SEMA3A: variants seen among roughly 807,000 people sequenced by gnomAD.
The protein encoded by SEMA3A is semaphorin 3A, also known as semaphorin-3A.
In SEMA3A, 29 loss-of-function variants were observed where a neutral mutation model predicts 97.9. That is an observed-to-expected ratio of 0.30 (90% CI 0.22 to 0.40). The LOEUF (loss-of-function observed/expected upper bound fraction) is 0.40, where lower values mean the gene tolerates loss of function less well. Among genes scored for constraint, SEMA3A ranks in the 10% least tolerant of loss-of-function variants. The pLI, the probability that SEMA3A is intolerant of heterozygous loss-of-function variation, is 1.00. For missense variants in SEMA3A, 763 were observed against 951.3 expected (o/e 0.80, Z 2.60); for synonymous variants, 321 against 323.7 (o/e 0.99, Z 0.09).
chr7:84,385,393 G>A (rs1450315832), intron 1 of SEMA3A, among the ~76,000 whole-genome samples: 1 of 152,094 alleles, frequency 6.6e-6, no homozygotes, highest in African/African-American at 2.4e-5. Context: ...CCTCTACTTG[G>A]AGTCCAAGGA....
At chr7:84,099,729 T>C (rs1223908044) in intron 4 of SEMA3A, among the ~76,000 whole-genome samples, 2 of 152,156 alleles carry the variant, frequency 1.3e-5, no homozygotes, top group African/African-American at 4.8e-5. Context: ...CTGGCTATTA[T>C]TTAGATATCT....
At chr7:84,422,504 T>C (rs576061739) in intron 1 of SEMA3A, among the ~76,000 whole-genome samples, 1 of 152,252 alleles carries the variant, frequency 6.6e-6, no homozygotes, top group African/African-American at 2.4e-5. Context: ...GGATTTTTCA[T>C]GTCTCTATCT....
At chr7:83,979,150 T>C (rs1294298108) in intron 14 of SEMA3A, among the ~76,000 whole-genome samples, 7 of 151,700 alleles carry the variant, frequency 4.6e-5, no homozygotes, top group East Asian at 1.9e-4. Flanking sequence ...TTTTTTTTTT[T>C]CGAGACAGAG....
intron 1 of SEMA3A, among the ~76,000 whole-genome samples, chr7:84,157,233 T>C (rs1796871940): frequency 6.6e-6 from 1 of 152,210 alleles, no homozygotes; most frequent in South Asian, 2.1e-4. Context: ...AAACTTCTCA[T>C]AACAATACAA....
chr7:84,248,184 A>G (rs1799518532), intron 3 of SEMA3A, among the ~76,000 whole-genome samples: 1 of 152,188 alleles, frequency 6.6e-6, no homozygotes, highest in Non-Finnish European at 1.5e-5. Context: ...ATATATATTT[A>G]AAGATAGTTT....
At chr7:84,296,666 T>C (rs1800880498) in intron 3 of SEMA3A, among the ~76,000 whole-genome samples, 1 of 152,188 alleles carries the variant, frequency 6.6e-6, no homozygotes, top group Non-Finnish European at 1.5e-5. Context: ...GAAACATTTT[T>C]ATGATTGCAT....
chr7:84,138,092 C>A (rs761225995), intron 1 of SEMA3A, among the ~76,000 whole-genome samples: 125 of 152,216 alleles, frequency 8.2e-4, no homozygotes, highest in Non-Finnish European at 1.4e-3. Flanking sequence ...ACAAGCATTT[C>A]CTAGTAAGCA....
At chr7:84,087,068 T>C (rs1794404667) in intron 4 of SEMA3A, among the ~76,000 whole-genome samples, 1 of 152,144 alleles carries the variant, frequency 6.6e-6, no homozygotes, top group Admixed American at 6.6e-5. Flanking sequence ...GCAACAAAGA[T>C]GGTACATTTG....
Position 84,250,287 on chromosome 7 carries a change from C to G in SEMA3A, c.-82-55619G>C, listed in dbSNP as rs576132291. 1.4e-4 allele frequency among the ~76,000 whole-genome samples: 21 copies of G among 148,762 alleles called. No individual in the cohort carries two copies. The East Asian group carries it at 4.1e-3, about 29-fold the overall frequency. Reference sequence around the variant, plus strand: ...TTTTCATCTGTGGTTTAAAACCAAACCAAAAAAAGAAAAAAAAAGTAACAT... The same window carrying G: ...TTTTCATCTGTGGTTTAAAACCAAAGCAAAAAAAGAAAAAAAAAGTAACAT... On this transcript the variant is annotated intron_variant, in intron 3 of 3. Transcript: ENST00000424555.
At chr7:84,230,110 T>A (rs1435730592) in intron 3 of SEMA3A, among the ~76,000 whole-genome samples, 1 of 151,956 alleles carries the variant, frequency 6.6e-6, no homozygotes, top group Non-Finnish European at 1.5e-5. Context: ...CAATTGAAAT[T>A]CCTAAAATGC....
intron 12 of SEMA3A, among the ~76,000 whole-genome samples, 156 bp from the exon 13 acceptor site, chr7:83,985,633 A>G (rs528362888): frequency 6.6e-6 from 1 of 152,330 alleles, no homozygotes; most frequent in South Asian, 2.1e-4. Flanking sequence ...AAGAAACTGC[A>G]TAGATAAGGG....
chr7:84,005,298 G>T, intron 11 of SEMA3A, 41 bp downstream of exon 11: 1 of 1,398,988 alleles, frequency 7.1e-7, no homozygotes, highest in Non-Finnish European at 1.0e-6. Flanking sequence ...GTTAAACATA[G>T]TGTTCGGAAA....
At chr7:83,995,163 C>T (rs1439567653) in intron 12 of SEMA3A, among the ~76,000 whole-genome samples, 1 of 152,162 alleles carries the variant, frequency 6.6e-6, no homozygotes, top group East Asian at 1.9e-4. Context: ...CAATGCCTCA[C>T]CCTGCTTCGG....
At chr7:84,418,443 C>T (rs2116271487) in intron 1 of SEMA3A, among the ~76,000 whole-genome samples, 1 of 152,202 alleles carries the variant, frequency 6.6e-6, no homozygotes, top group East Asian at 1.9e-4. Context: ...GTCCCACCCA[C>T]AACATGTGGG....
At chr7:84,010,986 A>T in intron 9 of SEMA3A, 36 bp downstream of exon 9, 1 of 1,472,918 alleles carries the variant, frequency 6.8e-7, no homozygotes, top group South Asian at 1.2e-5. Flanking sequence ...CCTAAATAAC[A>T]TTAAGTTTCT....
chr7:84,124,920 A>C (rs962155555), intron 3 of SEMA3A, among the ~76,000 whole-genome samples: 2 of 152,046 alleles, frequency 1.3e-5, no homozygotes, highest in African/African-American at 4.8e-5. Context: ...TAAATGAATA[A>C]AATATATCTT....
At chr7:84,052,891 C>T (rs1468010469) in intron 5 of SEMA3A, among the ~76,000 whole-genome samples, 13 of 151,572 alleles carry the variant, frequency 8.6e-5, no homozygotes, top group Admixed American at 2.0e-4. Flanking sequence ...TGAATGCGTC[C>T]CAGAGATTCT....
At chr7:84,319,386 G>T (rs1801592358) in intron 2 of SEMA3A, among the ~76,000 whole-genome samples, 1 of 149,954 alleles carries the variant, frequency 6.7e-6, no homozygotes, top group Non-Finnish European at 1.5e-5. Context: ...AGTAAGTCTG[G>T]TGCACCAAAC....
chr7:84,373,632 A>G (rs905038291), intron 1 of SEMA3A, among the ~76,000 whole-genome samples: 2 of 152,220 alleles, frequency 1.3e-5, no homozygotes, highest in Admixed American at 1.3e-4. Context: ...TGCAGACAGT[A>G]CATCATGGTG....
Sources: gnomAD v4.1 joint callset for allele counts (sites outside exome capture counted in the v4.1 genomes callset) on GRCh38, gnomAD v4.1.1 for gene constraint, MANE v1.5 for transcripts, NCBI Gene and HGNC (gene_info 2026-07-23, HGNC 2026-07-21) for gene names.